VPS41: variants seen among roughly 807,000 people sequenced by gnomAD.
VPS41 encodes the protein VPS41 subunit of HOPS complex, also known as vacuolar protein sorting-associated protein 41 homolog.
Under a neutral mutation model 130.9 loss-of-function variants are expected in VPS41, and 85 were observed. The observed-to-expected ratio is 0.65, with a 90% confidence interval of 0.55 to 0.78. The LOEUF is 0.78. Ranked by LOEUF, VPS41 falls within the 30% of genes least tolerant of loss-of-function variation. VPS41 has a pLI of 0.00. For synonymous variants in VPS41, 335 were observed against 332.9 expected, an observed-to-expected ratio of 1.01 and a Z score of -0.07; for missense variants, 874 against 1,018.7, an observed-to-expected ratio of 0.86 and a Z score of 1.93.
chr7:38,782,619 T>C (rs1784372744), intron 10 of VPS41, among the ~76,000 whole-genome samples: 2 of 152,314 alleles, frequency 1.3e-5, no homozygotes, highest in East Asian at 1.9e-4. Flanking sequence ...CTGTTATACA[T>C]GTTTTAATAC....
chr7:38,787,201 C>T (rs981298956), intron 10 of VPS41, among the ~76,000 whole-genome samples: 5 of 151,876 alleles, frequency 3.3e-5, no homozygotes, highest in Admixed American at 2.0e-4. Flanking sequence ...TCATTAATTC[C>T]TTGCATGTAA....
chr7:38,882,665 G>T (rs1310619920), intron 2 of VPS41, among the ~76,000 whole-genome samples: 2 of 152,146 alleles, frequency 1.3e-5, no homozygotes, highest in Non-Finnish European at 2.9e-5. Flanking sequence ...TCTAGCCAGA[G>T]TCCTCCCCTA....
At chr7:38,875,154 C>A (rs1286773872) in intron 2 of VPS41, among the ~76,000 whole-genome samples, 1 of 152,096 alleles carries the variant, frequency 6.6e-6, no homozygotes, top group African/African-American at 2.4e-5. Context: ...GGAATAGTTC[C>A]AGTCACTATC....
At chr7:38,908,728 A>G (rs767733111) in intron 1 of VPS41, among the ~76,000 whole-genome samples, 6 of 152,200 alleles carry the variant, frequency 3.9e-5, no homozygotes, top group Admixed American at 1.3e-4. Context: ...CCTAACTCCA[A>G]TAGATACAAA....
At chr7:38,749,230 G>T (rs1450916361) in intron 22 of VPS41, among the ~76,000 whole-genome samples, 1 of 151,242 alleles carries the variant, frequency 6.6e-6, no homozygotes, top group African/African-American at 2.4e-5. Flanking sequence ...AAATACTATT[G>T]ATTGTGGGAT....
chr7:38,894,212 G>T (rs191705717), intron 2 of VPS41, among the ~76,000 whole-genome samples: 2 of 152,146 alleles, frequency 1.3e-5, no homozygotes, highest in Admixed American at 1.3e-4. Flanking sequence ...AATCTCTGGT[G>T]GACTGAGTGG....
chr7:38,745,669 G>A (rs1795972773), intron 22 of VPS41, 56 bp from the exon 23 acceptor site: 5 of 1,309,686 alleles, frequency 3.8e-6, no homozygotes, highest in Non-Finnish European at 5.4e-6. Context: ...AGAACAAACA[G>A]TAATAAAGTC....
Position 38,795,540 on chromosome 7 carries a change from G to A in VPS41, c.642C>T (p.Arg214=). 1 of 1,613,644 alleles carries A rather than the reference G, an allele frequency of 6.2e-7. No homozygotes were observed. The highest frequency in any genetic ancestry group is 8.5e-7 in the Non-Finnish European group (1 of 1,179,696). ...AGAGGCTGCAGGGATACATGTCTGG[G>A]CGAAGACTTATATCATCCCGGGGCA... ...TNVPRDDISL[R]PDMYPCSLCW... The change falls in exon 9 of 29, where the codon CGC becomes CGT. Residue 214 remains arginine (R), a synonymous_variant. Coordinates refer to ENST00000310301, the MANE Select transcript of VPS41 (RefSeq NM_014396.4).
At position 38,898,085 on chromosome 7, in the gene VPS41, C is replaced by A. The variant is rs370609520; in HGVS notation, c.60+6G>T. ...AAATCCGAGGGCTCCTGAGTCACCA[C>A]CTTACCTCAGACTCATCTGTAGATT... On this transcript the variant is annotated splice_donor_region_variant and intron_variant, in intron 2 of 28. Transcript: ENST00000310301. 1 of 1,613,586 alleles carries A rather than the reference C, an allele frequency of 6.2e-7. No homozygotes were observed. The highest frequency in any genetic ancestry group is 8.5e-7 in the Non-Finnish European group (1 of 1,179,578).
chr7:38,908,004 C>A (rs553989363), intron 1 of VPS41, among the ~76,000 whole-genome samples: 1 of 152,268 alleles, frequency 6.6e-6, no homozygotes, highest in African/African-American at 2.4e-5. Flanking sequence ...TCACAAGGAC[C>A]AGCCAAACCA....
intron 4 of VPS41, among the ~76,000 whole-genome samples, chr7:38,845,304 C>T (rs1785700787): frequency 6.6e-6 from 1 of 152,216 alleles, no homozygotes; most frequent in Non-Finnish European, 1.5e-5. Flanking sequence ...CTTTTATTCT[C>T]ATGCCAGAGA....
chr7:38,737,752 T>C (rs1795799364), intron 25 of VPS41, among the ~76,000 whole-genome samples: 1 of 152,288 alleles, frequency 6.6e-6, no homozygotes, highest in Non-Finnish European at 1.5e-5. Flanking sequence ...TCCTGAGTGT[T>C]GTGTCCATCT....
At chr7:38,859,797 T>C (rs1372872328) in intron 4 of VPS41, among the ~76,000 whole-genome samples, 2 of 152,192 alleles carry the variant, frequency 1.3e-5, no homozygotes, top group Non-Finnish European at 2.9e-5. Flanking sequence ...ATAAATATCG[T>C]GGGAATTTAA....
chr7:38,829,709 T>C (rs1785350427), intron 5 of VPS41, among the ~76,000 whole-genome samples: 1 of 152,238 alleles, frequency 6.6e-6, no homozygotes, highest in Non-Finnish European at 1.5e-5. Context: ...GTCGAGGAAG[T>C]AGGCGCCAGG....
At chr7:38,803,132 A>G (rs145958798) in intron 7 of VPS41, among the ~76,000 whole-genome samples, 43 of 152,136 alleles carry the variant, frequency 2.8e-4, no homozygotes, top group African/African-American at 8.9e-4. Flanking sequence ...GTGCTTTCCT[A>G]CTCTACAGAG....
intron 4 of VPS41, among the ~76,000 whole-genome samples, chr7:38,842,613 G>A (rs115095235): frequency 0.019 from 2,833 of 152,276 alleles, 97 homozygotes; most frequent in African/African-American, 0.064. Context: ...TTTCCAGCCA[G>A]ACCCAAAAGA....
At chr7:38,815,128 G>A (rs1184614722) in intron 7 of VPS41, among the ~76,000 whole-genome samples, 2 of 152,070 alleles carry the variant, frequency 1.3e-5, no homozygotes, top group Non-Finnish European at 2.9e-5. Flanking sequence ...TAAATAAAAT[G>A]TAATTCTTTA....
At chr7:38,861,439 TG>T (rs1353019102) in intron 4 of VPS41, among the ~76,000 whole-genome samples, 1 of 152,076 alleles carries the variant, frequency 6.6e-6, no homozygotes, top group African/African-American at 2.4e-5. Flanking sequence ...CAGTGTCCAG[TG>T]GGTAGAAGAG....
At chr7:38,794,264 C>G (rs969109232) in intron 9 of VPS41, among the ~76,000 whole-genome samples, 1 of 152,116 alleles carries the variant, frequency 6.6e-6, no homozygotes, top group Non-Finnish European at 1.5e-5. Context: ...TTCCATCCTA[C>G]GATATAGGCA....
Sources: allele counts gnomAD v4.1 joint callset (sites outside exome capture counted in the v4.1 genomes callset), GRCh38; gene constraint gnomAD v4.1.1; transcripts MANE v1.5; gene names NCBI Gene and HGNC (gene_info 2026-07-23, HGNC 2026-07-21).